The following ROBO2 variants were observed in gnomAD, a reference collection of about 807,000 sequenced individuals.
The protein encoded by ROBO2 is roundabout guidance receptor 2, also known as roundabout homolog 2.
In ROBO2, 53 loss-of-function variants were observed where a neutral mutation model predicts 160.8. The observed-to-expected ratio is 0.33, with a 90% CI of 0.26 to 0.41. The LOEUF (loss-of-function observed/expected upper bound fraction) is 0.41, where lower values mean the gene tolerates loss of function less well. ROBO2 is among the 10% of genes least tolerant of loss of function. The pLI is 1.00. For missense variants in ROBO2, 1,577 were observed against 1,722.4 expected, an observed-to-expected ratio of 0.92 and a Z score of 1.49; for synonymous variants, 664 against 611.7, an observed-to-expected ratio of 1.09 and a Z score of -1.26.
At chr3:77,362,085 A>G (rs2070101370) in intron 2 of ROBO2, among the ~76,000 whole-genome samples, 1 of 152,156 alleles carries the variant, frequency 6.6e-6, no homozygotes, top group Admixed American at 6.6e-5. Flanking sequence ...ATTCATACAT[A>G]TAGGGGAATG....
chr3:76,935,233 A>T (rs760130894), intron 2 of ROBO2, among the ~76,000 whole-genome samples: 1 of 152,168 alleles, frequency 6.6e-6, no homozygotes, highest in Non-Finnish European at 1.5e-5. Flanking sequence ...GATTAAAGAC[A>T]TGAGCCACCA....
intron 2 of ROBO2, among the ~76,000 whole-genome samples, chr3:76,509,112 G>A (rs1200119288): frequency 6.6e-6 from 1 of 152,150 alleles, no homozygotes; most frequent in East Asian, 1.9e-4. Context: ...TTACTATCAG[G>A]AAACTACCTT....
At chr3:76,478,094 G>A (rs1345240879) in intron 2 of ROBO2, among the ~76,000 whole-genome samples, 2 of 150,394 alleles carry the variant, frequency 1.3e-5, no homozygotes, top group South Asian at 2.1e-4. Context: ...AGTTACATAT[G>A]TATACATGTG....
intron 23 of ROBO2, chr3:77,633,262 A>T (rs550806590): frequency 2.0e-5 from 3 of 152,338 alleles, no homozygotes; most frequent in African/African-American, 7.2e-5. Flanking sequence ...AATAATGACT[A>T]CATGTGTATT....
At position 76,603,332 on chromosome 3, in the gene ROBO2, CAAAAAAAAAAA is replaced by C. The variant is rs61547121; in HGVS notation, c.110-494672_110-494662del. Among the ~76,000 whole-genome samples the C allele has an allele frequency of 1.5e-3, 101 of 66,428 alleles. 1 individual carries two copies. Among genetic ancestry groups the C allele is most frequent in the South Asian group, 5.0e-3 (8 of 1,590 alleles). 43.6% of individuals were successfully genotyped at this position (66,428 alleles called of 152,430 possible). A position where few individuals can be genotyped will look rare whatever the true frequency, so the allele number is the denominator to read the frequency against. On this transcript the variant is annotated intron_variant, in intron 2 of 26. Coordinates refer to the ROBO2 transcript ENST00000487694. The stretch of plus-strand genomic sequence containing the variant: ...GGGTGACAGAGCGAGACTCCATCTC[CAAAAAAAAAAA>C]AAAAAAAAATATATATATATATATA...
exon 26 of ROBO2, chr3:77,646,096 C>T: frequency 1.3e-6 from 2 of 1,538,232 alleles, no homozygotes; most frequent in Middle Eastern, 2.0e-4. Context: ...GAAGGACCAT[C>T]AGGTCCGGAC....
intron 2 of ROBO2, among the ~76,000 whole-genome samples, chr3:77,204,877 C>T (rs866341926): frequency 6.6e-6 from 1 of 152,212 alleles, no homozygotes; most frequent in East Asian, 1.9e-4. Context: ...AGCAGTTCAA[C>T]TGAAACGCGA....
intron 2 of ROBO2, among the ~76,000 whole-genome samples, chr3:76,255,576 A>G (rs1706303288): frequency 6.6e-6 from 1 of 151,960 alleles, no homozygotes; most frequent in Non-Finnish European, 1.5e-5. Flanking sequence ...ACATTTCTTT[A>G]TAACTACTAT....
At chr3:76,765,892 T>TCAATGTGTAACACA (rs2061552825) in intron 2 of ROBO2, among the ~76,000 whole-genome samples, 1 of 151,616 alleles carries the variant, frequency 6.6e-6, no homozygotes, top group Non-Finnish European at 1.5e-5. Context: ...TTTGGGACAA[T>TCAATGTGTAACACA]TTGTTACACA....
At chr3:77,576,702 A>T (rs1369126868) in intron 14 of ROBO2, among the ~76,000 whole-genome samples, 1 of 152,114 alleles carries the variant, frequency 6.6e-6, no homozygotes, top group Non-Finnish European at 1.5e-5. Context: ...TATTGTAGGA[A>T]ATCAAAATCT....
At chr3:76,881,936 G>T (rs904488685) in intron 2 of ROBO2, among the ~76,000 whole-genome samples, 1 of 152,004 alleles carries the variant, frequency 6.6e-6, no homozygotes, top group African/African-American at 2.4e-5. Flanking sequence ...GTGGTAGGTT[G>T]GTTGTGTGTG....
intron 2 of ROBO2, among the ~76,000 whole-genome samples, chr3:76,869,310 T>C (rs1388891101): frequency 6.6e-6 from 1 of 151,714 alleles, no homozygotes; most frequent in Non-Finnish European, 1.5e-5. Context: ...ATAGTATTTG[T>C]TGAATATTTT....
intron 2 of ROBO2, among the ~76,000 whole-genome samples, chr3:76,325,150 C>T (rs1379537178): frequency 6.6e-6 from 1 of 152,202 alleles, no homozygotes; most frequent in African/African-American, 2.4e-5. Context: ...AAATAAAAGC[C>T]TAACTTAAAA....
At chr3:76,603,238 A>G (rs1314658105) in intron 2 of ROBO2, among the ~76,000 whole-genome samples, 1 of 149,912 alleles carries the variant, frequency 6.7e-6, no homozygotes, top group Non-Finnish European at 1.5e-5. Flanking sequence ...AGGCTGAGGC[A>G]GGAGAATGGC....
chr3:77,166,620 G>T lies in ROBO2; in HGVS notation c.388+68280G>T, dbSNP rs142182772. On this transcript the variant is annotated intron_variant, in intron 2 of 25. Coordinates refer to ENST00000461745, the Ensembl canonical transcript of ROBO2. ...GTCGCCCAGGCTGGGGTGCGGTGGC[G>T]CCATCTTGGCTCACTGCAGGCTCCA... 7.7e-3 allele frequency among the ~76,000 whole-genome samples: 1,176 copies of T among 152,114 alleles called. 16 individuals carry two copies. The highest frequency in any genetic ancestry group is 0.027 in the African/African-American group (1,120 of 41,490).
intron 2 of ROBO2, among the ~76,000 whole-genome samples, chr3:76,438,255 C>T (rs1433042468): frequency 6.6e-6 from 1 of 151,894 alleles, no homozygotes; most frequent in Non-Finnish European, 1.5e-5. Flanking sequence ...AATATGCCAT[C>T]CTCAATTGGT....
At chr3:77,472,596 G>C (rs1005207295) in intron 2 of ROBO2, among the ~76,000 whole-genome samples, 2 of 152,058 alleles carry the variant, frequency 1.3e-5, no homozygotes, top group Non-Finnish European at 2.9e-5. Flanking sequence ...GAATATTCGG[G>C]TTCTAGCCAA....
At chr3:76,008,246 AAAAAAAAAG>A (rs2066084463) in intron 2 of ROBO2, among the ~76,000 whole-genome samples, 1 of 151,522 alleles carries the variant, frequency 6.6e-6, no homozygotes, top group Non-Finnish European at 1.5e-5. Flanking sequence ...AAAAAAAAAA[AAAAAAAAAG>A]AAAAGAAAAA....
chr3:76,111,103 T>A (rs1489455819), intron 2 of ROBO2, among the ~76,000 whole-genome samples: 1 of 152,046 alleles, frequency 6.6e-6, no homozygotes, highest in African/African-American at 2.4e-5. Context: ...GCAGATGGAA[T>A]TAGTTCAGAT....
Sources: gnomAD v4.1 joint callset for allele counts (sites outside exome capture counted in the v4.1 genomes callset) on GRCh38, gnomAD v4.1.1 for gene constraint, MANE v1.5 for transcripts, NCBI Gene and HGNC (gene_info 2026-07-23, HGNC 2026-07-21) for gene names.